The following GSE1 variants were observed in gnomAD, a reference collection of about 807,000 sequenced individuals.
The protein encoded by GSE1 is Gse1 coiled-coil protein.
A neutral mutation model predicts 112.6 loss-of-function variants in GSE1; 32 were observed. That is an observed-to-expected ratio of 0.28 (90% confidence interval 0.21 to 0.38). GSE1 has a LOEUF of 0.38. GSE1 is among the 10% of genes least tolerant of loss of function. GSE1 has a pLI of 1.00. For synonymous variants in GSE1, 1,115 were observed against 735.6 expected, an observed-to-expected ratio of 1.52 and a Z score of -8.35; for missense variants, 2,348 against 1,699.2, an observed-to-expected ratio of 1.38 and a Z score of -6.71.
chr16:85,592,189 G>C (rs7189498), intron 1 of GSE1: 98,652 of 150,630 alleles, frequency 0.65, 34,963 homozygotes, highest in East Asian at 0.9. Context: ...TTGAGACGGA[G>C]TCTCTCTCTG....
intron 2 of GSE1, among the ~76,000 whole-genome samples, chr16:85,391,083 C>T (rs1318392302): frequency 1.3e-5 from 2 of 152,126 alleles, no homozygotes; most frequent in African/African-American, 4.8e-5. Flanking sequence ...AGCTCCCAGG[C>T]ACCGCCCCCC....
At chr16:85,515,583 G>A (rs2051903284) in intron 2 of GSE1, among the ~76,000 whole-genome samples, 1 of 151,700 alleles carries the variant, frequency 6.6e-6, no homozygotes, top group Non-Finnish European at 1.5e-5. Context: ...GGGCGCCAGG[G>A]GCCCAGACTG....
chr16:85,480,811 G>A lies in GSE1; in HGVS notation c.2464+123168G>A, dbSNP rs150090478. Among the ~76,000 whole-genome samples, 495 of 152,222 alleles carry A rather than the reference G, an allele frequency of 3.3e-3. 4 individuals carry two copies. The highest frequency in any genetic ancestry group is 5.1e-3 in the Non-Finnish European group (350 of 68,010). On this transcript the variant is annotated intron_variant, in intron 2 of 2. Coordinates refer to the GSE1 transcript ENST00000637419. Reference sequence around the variant, plus strand: ...TGATTTTTCTGCCTGACATCCCAGCGCCTGCTCCCTGAAGTTTTGACCTGA... The same window carrying A: ...TGATTTTTCTGCCTGACATCCCAGCACCTGCTCCCTGAAGTTTTGACCTGA...
At chr16:85,603,726 C>A (rs2047566179) in intron 1 of GSE1, among the ~76,000 whole-genome samples, 1 of 152,148 alleles carries the variant, frequency 6.6e-6, no homozygotes, top group Admixed American at 6.6e-5. Context: ...GAGCTGGTCT[C>A]CAACTCCAGG....
chr16:85,512,224 C>G (rs545253074), intron 2 of GSE1, among the ~76,000 whole-genome samples: 42 of 152,206 alleles, frequency 2.8e-4, no homozygotes, highest in Non-Finnish European at 5.6e-4. Flanking sequence ...AGAGCCCCCT[C>G]AACGCCAAGC....
chr16:85,605,856 C>T (rs1331049505), intron 1 of GSE1, among the ~76,000 whole-genome samples: 2 of 151,864 alleles, frequency 1.3e-5, no homozygotes, highest in African/African-American at 2.4e-5. Context: ...GCAGGCTGGG[C>T]TCATGGGCGG....
upstream of GSE1, among the ~76,000 whole-genome samples, chr16:85,612,624 T>A (rs1164578002): frequency 1.4e-5 from 2 of 140,276 alleles, no homozygotes; most frequent in Non-Finnish European, 3.0e-5. Flanking sequence ...AACTGGGGGG[T>A]GGGGTGCCTT....
intron 1 of GSE1, among the ~76,000 whole-genome samples, chr16:85,211,189 T>G (rs769176194): frequency 1.3e-5 from 2 of 152,192 alleles, no homozygotes; most frequent in Non-Finnish European, 2.9e-5. Context: ...TGGGAGTTCC[T>G]TAGGGCCTCA....
intron 2 of GSE1, among the ~76,000 whole-genome samples, chr16:85,519,089 A>T (rs971244770): frequency 6.6e-6 from 1 of 152,226 alleles, no homozygotes; most frequent in African/African-American, 2.4e-5. Flanking sequence ...AAGTGGAGTA[A>T]TGAAGCCACT....
At chr16:85,173,153 G>T (rs988025099) in intron 1 of GSE1, among the ~76,000 whole-genome samples, 1 of 152,214 alleles carries the variant, frequency 6.6e-6, no homozygotes, top group African/African-American at 2.4e-5. Flanking sequence ...TGGGAGAAGA[G>T]AACAAGTTTT....
rs770140598 is a variant in GSE1 at position 85,656,478 on chromosome 16, T to TGAGCGTGAGAAGGAGCGC, written c.1131_1148dup (p.Lys379_Glu384dup). On this transcript the variant is annotated inframe_insertion, in exon 7 of 16. Transcript: ENST00000253458. ...AGGAGCGCGAGCAAGAGAAGGAGCG[T>TGAGCGTGAGAAGGAGCGC]GAGCGTGAGAAGGAGCGCGAGCGCG... is the stretch of plus-strand genomic sequence containing the variant. 1.8e-5 allele frequency: 28 copies of TGAGCGTGAGAAGGAGCGC among 1,524,762 alleles called. No homozygotes were observed. The highest frequency in any genetic ancestry group is 4.9e-5 in the East Asian group (2 of 40,708). The allele number at this position is 1,524,762 out of a possible 1,614,324, so 94.5% of individuals were successfully genotyped here.
At chr16:85,308,460 T>C (rs2045740882) in intron 1 of GSE1, among the ~76,000 whole-genome samples, 1 of 152,092 alleles carries the variant, frequency 6.6e-6, no homozygotes, top group African/African-American at 2.4e-5. Flanking sequence ...TAAAGCGCAA[T>C]ACTGATTACA....
At chr16:85,458,236 C>A (rs8061664) in intron 2 of GSE1, among the ~76,000 whole-genome samples, 2 of 152,196 alleles carry the variant, frequency 1.3e-5, no homozygotes, top group Non-Finnish European at 2.9e-5. Context: ...GGCTGGATGC[C>A]GTGGGACACT....
chr16:85,169,877 C>T (rs1462142387), exon 1 of GSE1: 1 of 984,482 alleles, frequency 1.0e-6, no homozygotes, highest in Non-Finnish European at 1.2e-6. Flanking sequence ...CTCAAGCGGC[C>T]CCACCAGTGC....
chr16:85,539,326 T>C (rs1429788975), intron 2 of GSE1, among the ~76,000 whole-genome samples: 5 of 152,222 alleles, frequency 3.3e-5, no homozygotes, highest in Non-Finnish European at 7.3e-5. Context: ...AAGCACTTAA[T>C]TGTGGGTGCA....
chr16:85,203,776 C>T (rs886117654), intron 1 of GSE1, among the ~76,000 whole-genome samples: 38 of 152,146 alleles, frequency 2.5e-4, no homozygotes, highest in African/African-American at 7.2e-4. Flanking sequence ...CTCACTCTGT[C>T]GCCCAGGCTG....
At chr16:85,321,928 G>C (rs932186464) in intron 1 of GSE1, among the ~76,000 whole-genome samples, 1 of 152,236 alleles carries the variant, frequency 6.6e-6, no homozygotes, top group African/African-American at 2.4e-5. Context: ...CTAAGGTCCT[G>C]AGCCAGCTGG....
intron 2 of GSE1, among the ~76,000 whole-genome samples, chr16:85,638,828 C>T (rs1598498839): frequency 6.6e-6 from 1 of 152,106 alleles, no homozygotes; most frequent in South Asian, 2.1e-4. Context: ...CGTGTGCTTC[C>T]CCGGTGGGGT....
intron 2 of GSE1, among the ~76,000 whole-genome samples, chr16:85,549,592 G>GT (rs1361759713): frequency 6.6e-6 from 1 of 152,222 alleles, no homozygotes; most frequent in Non-Finnish European, 1.5e-5. Context: ...GCACCCGTGG[G>GT]TGGGGTGTGC....
Sources: allele counts gnomAD v4.1 joint callset (sites outside exome capture counted in the v4.1 genomes callset), GRCh38; gene constraint gnomAD v4.1.1; transcripts MANE v1.5; gene names NCBI Gene and HGNC (gene_info 2026-07-23, HGNC 2026-07-21).